Variants in RTKN2 observed in about 807,000 individuals in gnomAD.
RTKN2 encodes rhotekin 2.
Under a neutral mutation model 71.5 loss-of-function variants are expected in RTKN2, and 69 were observed. The ratio of observed to expected loss-of-function variants is 0.96; its 90% CI spans 0.79 to 1.18. The LOEUF (loss-of-function observed/expected upper bound fraction) is 1.18. RTKN2 is among the 50% of genes most tolerant of loss of function. The pLI, the probability that RTKN2 is intolerant of heterozygous loss-of-function variation, is 0.00. For synonymous variants in RTKN2, 236 were observed against 236.5 expected, an observed-to-expected ratio of 1.00 and a Z score of 0.02; for missense variants, 724 against 719.7, an observed-to-expected ratio of 1.01 and a Z score of -0.07.
rs1194222333 is a variant in RTKN2, at chr10:62,246,114, A to T, written c.258-57T>A. ...ATCTTTTCTAATAAGCAATTATTTTAACAGTGTTTCACAAATGTCAAAATA... is the reference window on the plus strand; with the variant it reads ...ATCTTTTCTAATAAGCAATTATTTTTACAGTGTTTCACAAATGTCAAAATA... On this transcript the variant is annotated intron_variant, in intron 2 of 11. Coordinates refer to ENST00000373789, the MANE Select transcript of RTKN2 (RefSeq NM_145307.4). 6 of 1,115,258 alleles carry T rather than the reference A, an allele frequency of 5.4e-6. No homozygotes were observed. The Admixed American group carries it at 6.6e-5, about 12-fold the overall frequency. 69.1% of individuals were successfully genotyped at this position (1,115,258 alleles called of 1,614,324 possible).
chr10:62,248,912 T>A (rs1034751520), intron 2 of RTKN2, among the ~76,000 whole-genome samples: 6 of 152,198 alleles, frequency 3.9e-5, no homozygotes, highest in Non-Finnish European at 7.4e-5. Context: ...TAATTCTAAA[T>A]GGGAGTCTAT....
At position 62,223,296 on chromosome 10, in the gene RTKN2, T is replaced by C. The variant is rs780533799; in HGVS notation, c.723A>G (p.Leu241=). 3 of 1,610,938 alleles carry C rather than the reference T, an allele frequency of 1.9e-6. No individual in the cohort carries two copies. The East Asian group carries it at 6.7e-5, about 36-fold the overall frequency. ...AACTATCCTCAGCACTTTCCAAGGTTAGGGTAGTGTGAGCTAGCAAATTAT... is the reference window on the plus strand; with the variant it reads ...AACTATCCTCAGCACTTTCCAAGGTCAGGGTAGTGTGAGCTAGCAAATTAT... The part of the protein sequence containing the change: ...VKYNLLAHTT[L]TLESAEDSFK... The change falls in exon 7 of 12, where the codon CTA becomes CTG. Residue 241 remains leucine, a synonymous_variant. Coordinates refer to ENST00000373789, the MANE Select transcript of RTKN2 (RefSeq NM_145307.4).
At chr10:62,251,816 G>A (rs1842586607) in intron 2 of RTKN2, among the ~76,000 whole-genome samples, 1 of 151,820 alleles carries the variant, frequency 6.6e-6, no homozygotes. Context: ...AGAACAAGGA[G>A]AGAAACTGGA....
intron 5 of RTKN2, among the ~76,000 whole-genome samples, chr10:62,237,660 A>G (rs1431009703): frequency 2.0e-5 from 3 of 151,776 alleles, no homozygotes; most frequent in African/African-American, 7.2e-5. Flanking sequence ...CTTCTTTATA[A>G]AGAGTCACTT....
Position 62,193,521 on chromosome 10 carries a change from T to C in RTKN2, c.*4387A>G. The C allele has an allele frequency of 2.0e-6, 2 of 982,322 alleles. No individual in the cohort carries two copies. The highest frequency in any genetic ancestry group is 4.7e-5 in the South Asian group (1 of 21,230). 60.9% of individuals were successfully genotyped at this position (982,322 alleles called of 1,614,324 possible). On this transcript the variant is annotated 3_prime_UTR_variant, in exon 12 of 12. Coordinates refer to ENST00000373789, the MANE Select transcript of RTKN2 (RefSeq NM_145307.4). The stretch of plus-strand genomic sequence containing the variant: ...ACATTGATTAGTAGGCCTCTCTCTG[T>C]AAAGTATTTTTTTAATTTTAAATAT...
At position 62,239,764 on chromosome 10, in the gene RTKN2, T is replaced by A; in HGVS notation, c.372A>T (p.Arg124=). 6.6e-7 allele frequency: 1 copy of A among 1,509,952 alleles called. No individual in the cohort carries two copies. The highest frequency in any genetic ancestry group is 9.1e-7 in the Non-Finnish European group (1 of 1,095,500). 93.5% of individuals were successfully genotyped at this position (1,509,952 alleles called of 1,614,324 possible). The stretch of plus-strand genomic sequence containing the variant: ...AACAAAAAATGGCATAGCGTCGTGA[T>A]CCTGGAGGAAAAATAACAACATATT... The part of the protein sequence containing the change: ...KDSDHFSNKE[R]SRRYAIFCLF... The change falls in exon 5 of 12, where the codon CGA becomes CGT. Residue 124 remains arginine (R), a splice_region_variant and synonymous_variant. Coordinates refer to ENST00000373789, the MANE Select transcript of RTKN2 (RefSeq NM_145307.4).
chr10:62,232,311 CTTTCTT>C (rs1842165896), intron 6 of RTKN2, among the ~76,000 whole-genome samples: 2 of 118,804 alleles, frequency 1.7e-5, no homozygotes, highest in African/African-American at 5.9e-5. Flanking sequence ...TAATTTCTTT[CTTTCTT>C]TTTTTTTTTT....
rs534375037 is a variant in RTKN2 at position 62,215,702 on chromosome 10, T to C, written c.1020+1416A>G. Among the ~76,000 whole-genome samples the C allele has an allele frequency of 3.3e-5, 5 of 152,110 alleles. No individual in the cohort carries two copies. The South Asian group carries it at 8.3e-4, about 25-fold the overall frequency. ...ATTTTAACTAGAAAGAAAGCAAATG[T>C]GGCAAAATGTTAACAACAGCTGAAA... On this transcript the variant is annotated intron_variant, in intron 9 of 11. Transcript: ENST00000373789.
intron 9 of RTKN2, among the ~76,000 whole-genome samples, chr10:62,208,162 T>C (rs1344075597): frequency 6.6e-6 from 1 of 152,136 alleles, no homozygotes; most frequent in East Asian, 1.9e-4. Context: ...TTCATTTAGG[T>C]TTTTAAAAAT....
At chr10:62,209,458 A>G (rs991720716) in intron 9 of RTKN2, among the ~76,000 whole-genome samples, 1 of 151,910 alleles carries the variant, frequency 6.6e-6, no homozygotes, top group Non-Finnish European at 1.5e-5. Flanking sequence ...ATTCATTATT[A>G]TTATTATTAT....
At chr10:62,205,979 C>T (rs995501730) in intron 9 of RTKN2, among the ~76,000 whole-genome samples, 1 of 152,150 alleles carries the variant, frequency 6.6e-6, no homozygotes, top group Non-Finnish European at 1.5e-5. Context: ...ATGTGAGCCA[C>T]ATATGTAATT....
Position 62,261,525 on chromosome 10 carries a change from C to T in RTKN2, c.257+1100G>A, listed in dbSNP as rs189990205. On this transcript the variant is annotated intron_variant, in intron 2 of 11. Transcript: ENST00000373789. ...AATCAGCTGGGTGTGGTGGCACACGCCTATAGTCCCAGTTACTCGGGAGGC... is the reference window on the plus strand; with the variant it reads ...AATCAGCTGGGTGTGGTGGCACACGTCTATAGTCCCAGTTACTCGGGAGGC... 1.7e-3 allele frequency among the ~76,000 whole-genome samples: 263 copies of T among 152,190 alleles called. 1 individual carries two copies. Among genetic ancestry groups the T allele is most frequent in the African/African-American group, 6.0e-3 (250 of 41,528 alleles).
chr10:62,246,008 C>T lies in RTKN2; in HGVS notation c.307G>A (p.Ala103Thr). The T allele has an allele frequency of 6.3e-7, 1 of 1,583,430 alleles. No individual in the cohort carries two copies. Among genetic ancestry groups the T allele is most frequent in the Non-Finnish European group, 8.6e-7 (1 of 1,160,622 alleles). The change falls in exon 3 of 12, where the codon GCC becomes ACC. Residue 103 changes from alanine to threonine, a missense_variant. Transcript: ENST00000373789. ...KERTACKGKI[A>T]ISDIRIPLMW... ...TTCATTTATAGCATACCTGATATGGCAATCTTTCCTTTACATGCTGTTCGT... is the reference window on the plus strand; with the variant it reads ...TTCATTTATAGCATACCTGATATGGTAATCTTTCCTTTACATGCTGTTCGT...
In RTKN2 at chr10:62,196,130, A is replaced by G; in HGVS notation, c.*1778T>C. On this transcript the variant is annotated 3_prime_UTR_variant, in exon 12 of 12. Coordinates refer to ENST00000373789, the MANE Select transcript of RTKN2 (RefSeq NM_145307.4). ...AGCTCAATAATTTAGTGGCAATGAC[A>G]GTCACAAATGCTGTCAAAAACAGCA... 1.0e-6 allele frequency: 1 copy of G among 984,660 alleles called. No individual in the cohort carries two copies. Among genetic ancestry groups the G allele is most frequent in the Non-Finnish European group, 1.2e-6 (1 of 829,226 alleles). 61.0% of individuals were successfully genotyped at this position (984,660 alleles called of 1,614,324 possible). A position where few individuals can be genotyped will look rare whatever the true frequency, so the allele number is the denominator to read the frequency against.
chr10:62,200,427 C>T (rs1416572449), intron 10 of RTKN2, among the ~76,000 whole-genome samples: 1 of 147,744 alleles, frequency 6.8e-6, no homozygotes, highest in Non-Finnish European at 1.5e-5. Flanking sequence ...AGACATTAGG[C>T]TAAAATCTCT....
intron 6 of RTKN2, among the ~76,000 whole-genome samples, chr10:62,233,028 T>C (rs1007114030): frequency 1.3e-5 from 2 of 152,202 alleles, no homozygotes; most frequent in Non-Finnish European, 2.9e-5. Flanking sequence ...AAGAAGCACA[T>C]TCATTGTTTT....
chr10:62,241,384 TTG>T (rs1405906684), intron 3 of RTKN2, among the ~76,000 whole-genome samples, 189 bp from the exon 4 acceptor site: 2 of 152,198 alleles, frequency 1.3e-5, no homozygotes, highest in Non-Finnish European at 2.9e-5. Context: ...TGTCAAATTT[TTG>T]TGAGGTAAAA....
chr10:62,268,701 C>T lies in RTKN2; in HGVS notation c.-91G>A. On this transcript the variant is annotated 5_prime_UTR_variant, in exon 1 of 12. Transcript: ENST00000373789. Reference sequence around the variant, plus strand: ...GGCAGGAGCCGCAGAGGACGCCAACCGCCCGGCCGTACCAAGTCCCAGTCG... The same window carrying T: ...GGCAGGAGCCGCAGAGGACGCCAACTGCCCGGCCGTACCAAGTCCCAGTCG... 2 of 1,354,340 alleles carry T rather than the reference C, an allele frequency of 1.5e-6. No homozygotes were observed. Among genetic ancestry groups the T allele is most frequent in the Non-Finnish European group, 2.0e-6 (2 of 985,216 alleles). 83.9% of individuals were successfully genotyped at this position (1,354,340 alleles called of 1,614,324 possible).
intron 10 of RTKN2, among the ~76,000 whole-genome samples, chr10:62,203,345 T>C (rs1035742417): frequency 2.0e-5 from 3 of 146,680 alleles, no homozygotes; most frequent in South Asian, 2.1e-4. Flanking sequence ...CTGCTGAATT[T>C]TTTTTTTTTT....
Sources: gnomAD v4.1 joint callset for allele counts (sites outside exome capture counted in the v4.1 genomes callset) on GRCh38, gnomAD v4.1.1 for gene constraint, MANE v1.5 for transcripts, NCBI Gene and HGNC (gene_info 2026-07-23, HGNC 2026-07-21) for gene names.